Variants in SMAD7 observed in about 807,000 individuals in gnomAD.
The protein encoded by SMAD7 is MAD (mothers against decapentaplegic, Drosophila) homolog 7.
Under a neutral mutation model 38.7 loss-of-function variants are expected in SMAD7, and 8 were observed. That is an observed-to-expected ratio of 0.21 (90% CI 0.12 to 0.37). The LOEUF (loss-of-function observed/expected upper bound fraction) is 0.37. Among genes scored for constraint, SMAD7 ranks in the 10% least tolerant of loss-of-function variants. SMAD7 has a pLI of 1.00. For synonymous variants in SMAD7, 327 were observed against 265.1 expected, an observed-to-expected ratio of 1.23 and a Z score of -2.27; for missense variants, 477 against 577.9, an observed-to-expected ratio of 0.83 and a Z score of 1.79.
chr18:48,937,064 G>A (rs1306407538), intron 3 of SMAD7, among the ~76,000 whole-genome samples: 1 of 150,576 alleles, frequency 6.6e-6, no homozygotes, highest in South Asian at 2.1e-4. Flanking sequence ...GGGCGACAGA[G>A]CAAAACTCCA....
At chr18:48,928,252 G>A (rs998561332) in intron 3 of SMAD7, among the ~76,000 whole-genome samples, 1 of 152,174 alleles carries the variant, frequency 6.6e-6, no homozygotes, top group East Asian at 1.9e-4. Flanking sequence ...CTGCCTTCAT[G>A]GTCTCTGGCT....
intron 3 of SMAD7, among the ~76,000 whole-genome samples, chr18:48,934,963 G>C (rs1297120799): frequency 6.6e-6 from 1 of 152,210 alleles, no homozygotes; most frequent in Non-Finnish European, 1.5e-5. Flanking sequence ...CAACACCGCT[G>C]AAAGTCCCTT....
At position 48,920,161 on chromosome 18, in the gene SMAD7, C is replaced by T. The variant is rs879185043; in HGVS notation, c.*1211G>A. On this transcript the variant is annotated 3_prime_UTR_variant, in exon 4 of 4. Coordinates refer to ENST00000262158, the MANE Select transcript of SMAD7 (RefSeq NM_005904.4). ...AATCTCAGGTTTTTTTTCAGGAGTC[C>T]TTTCTCTCTCAAAGCACTACAATGC... 2.0e-5 allele frequency: 3 copies of T among 151,946 alleles called. No homozygotes were observed. The highest frequency in any genetic ancestry group is 7.3e-5 in the African/African-American group (3 of 41,220). The allele number at this position is 151,946 out of a possible 1,614,324, so 9.4% of individuals were successfully genotyped here.
chr18:48,943,013 G>A (rs1209143527), intron 2 of SMAD7, among the ~76,000 whole-genome samples: 2 of 152,192 alleles, frequency 1.3e-5, no homozygotes, highest in African/African-American at 2.4e-5. Context: ...ACATTCTCAA[G>A]ATTGATGTTG....
rs71165354 is a variant in SMAD7, at chr18:48,937,264, A to ATGTGTGTGTGTGTGTGTG, written c.742+5199_742+5216dup. On this transcript the variant is annotated intron_variant, in intron 3 of 3. Transcript: ENST00000262158. ...CAGTCAGGCTTTGCTAAGTAAAGGC[A>ATGTGTGTGTGTGTGTGTG]TGTGTGTGTGTGTGTGTGTGTGTGT... 2.7e-3 allele frequency among the ~76,000 whole-genome samples: 323 copies of ATGTGTGTGTGTGTGTGTG among 119,866 alleles called. 8 individuals are homozygous for ATGTGTGTGTGTGTGTGTG. The highest frequency in any genetic ancestry group is 5.9e-3 in the African/African-American group (177 of 29,874). The allele number at this position is 119,866 out of a possible 152,430, so 78.6% of individuals were successfully genotyped here.
At chr18:48,926,063 A>G (rs947205117) in intron 3 of SMAD7, among the ~76,000 whole-genome samples, 8 of 152,328 alleles carry the variant, frequency 5.3e-5, no homozygotes, top group African/African-American at 1.9e-4. Flanking sequence ...TAAATTTTTA[A>G]TTTGAAGGCG....
At chr18:48,939,509 G>A (rs2070112184) in intron 3 of SMAD7, among the ~76,000 whole-genome samples, 1 of 151,874 alleles carries the variant, frequency 6.6e-6, no homozygotes, top group African/African-American at 2.4e-5. Flanking sequence ...AAAGGGAAGG[G>A]CCAGCCTTGG....
In SMAD7 at chr18:48,950,327, C is replaced by T. The variant is rs1481952493; in HGVS notation, c.98G>A (p.Gly33Glu). The T allele has an allele frequency of 2.3e-5, 36 of 1,538,780 alleles. No individual in the cohort carries two copies. The highest frequency in any genetic ancestry group is 2.5e-5 in the East Asian group (1 of 39,438). The change falls in exon 1 of 4, where the codon GGA becomes GAA. Residue 33 changes from glycine to glutamate, a missense_variant. Gly to Glu is a moderately conservative substitution (Grantham distance 98). Coordinates refer to ENST00000262158, the MANE Select transcript of SMAD7 (RefSeq NM_005904.4). ...DEEEGAGGGG[G>E]GGELRGEGAT... Reference sequence around the variant, plus strand: ...CCCTTCTCCCCGCAGCTCGCCTCCTCCTCCACCTCCCCCTGCGCCCTCCTC... The same window carrying T: ...CCCTTCTCCCCGCAGCTCGCCTCCTTCTCCACCTCCCCCTGCGCCCTCCTC...
chr18:48,950,356 G>T lies in SMAD7; in HGVS notation c.69C>A (p.Asp23Glu). 6.5e-7 allele frequency: 1 copy of T among 1,541,232 alleles called. No homozygotes were observed. Among genetic ancestry groups the T allele is most frequent in the Non-Finnish European group, 8.7e-7 (1 of 1,143,200 alleles). ...CACCTCCCCCTGCGCCCTCCTCCTC[G>T]TCCTCGCCGCCGGGCGCACGGCTCC... ...LWRSRAPGGE[D>E]EEEGAGGGGG... The change falls in exon 1 of 4, where the codon GAC becomes GAA. Residue 23 changes from aspartate (D) to glutamate (E), a missense_variant. By Grantham distance (45) the Asp-to-Glu change is conservative. Transcript: ENST00000262158.
intron 3 of SMAD7, among the ~76,000 whole-genome samples, chr18:48,923,837 G>C (rs1455284739): frequency 1.3e-5 from 2 of 152,214 alleles, no homozygotes; most frequent in African/African-American, 4.8e-5. Context: ...GTGTGTTTCT[G>C]TGTGCACATA....
At chr18:48,940,364 T>G (rs2070123092) in intron 3 of SMAD7, among the ~76,000 whole-genome samples, 1 of 152,192 alleles carries the variant, frequency 6.6e-6, no homozygotes, top group African/African-American at 2.4e-5. Flanking sequence ...TTAATATCTG[T>G]GTCTACAATT....
chr18:48,942,126 C>CA (rs2070147458), intron 3 of SMAD7, among the ~76,000 whole-genome samples: 1 of 152,030 alleles, frequency 6.6e-6, no homozygotes, highest in South Asian at 2.1e-4. Context: ...AGAGCAAAAG[C>CA]AAAAAAAGAG....
Position 48,921,991 on chromosome 18 carries a change from C to T in SMAD7, c.743-81G>A. On this transcript the variant is annotated intron_variant, in intron 3 of 3. Coordinates refer to ENST00000262158, the MANE Select transcript of SMAD7 (RefSeq NM_005904.4). This position sits in a 1 kb window ranked among gnomAD's most constrained non-coding sequence, Gnocchi z 6.4. ...AATGAAGACACCCGCCCCCCCACTG[C>T]ACCCAGTCACCAGCTCATCTCTCAG... The T allele has an allele frequency of 9.5e-6, 10 of 1,051,754 alleles. No individual in the cohort carries two copies. Among genetic ancestry groups the T allele is most frequent in the Middle Eastern group, 3.1e-4 (1 of 3,180 alleles). 65.2% of individuals were successfully genotyped at this position (1,051,754 alleles called of 1,614,324 possible). A position where few individuals can be genotyped will look rare whatever the true frequency, so the allele number is the denominator to read the frequency against.
intron 2 of SMAD7, among the ~76,000 whole-genome samples, chr18:48,946,534 C>T (rs537386293): frequency 6.6e-6 from 1 of 152,332 alleles, no homozygotes; most frequent in South Asian, 2.1e-4. Context: ...TCTTACACAG[C>T]AGCGCCTTTT....
Position 48,950,214 on chromosome 18 carries a change from C to T in SMAD7, c.211G>A (p.Gly71Ser). Residue 71 changes from glycine (G) to serine (S), a missense_variant, in exon 1 of 4, where the codon GGT becomes AGT. Around this residue, in one of 2 missense-constraint regions of SMAD7, gnomAD observed 376 missense variants for 379.4 expected, o/e 0.99. Coordinates refer to ENST00000262158, the MANE Select transcript of SMAD7 (RefSeq NM_005904.4). ...GCTGGCGGGTGGGGATGGTGGTGAC[C>T]TTTGGCACCTCGCACCGCCTTGCCC... is the stretch of plus-strand genomic sequence containing the variant. Reference protein sequence around the residue: ...CLGKAVRGAKGHHHPHPPAAG... With the variant: ...CLGKAVRGAKSHHHPHPPAAG... 1.3e-6 allele frequency: 2 copies of T among 1,502,102 alleles called. No homozygotes were observed. Among genetic ancestry groups the T allele is most frequent in the African/African-American group, 1.5e-5 (1 of 68,958 alleles). The allele number at this position is 1,502,102 out of a possible 1,614,324, so 93.0% of individuals were successfully genotyped here. A position where few individuals can be genotyped will look rare whatever the true frequency, so the allele number is the denominator to read the frequency against.
chr18:48,950,021 C>A lies in SMAD7; in HGVS notation c.404G>T (p.Arg135Met). Residue 135 changes from arginine (R) to methionine (M), a missense_variant, in exon 1 of 4, where the codon AGG becomes ATG. Arg to Met is a moderately conservative substitution (Grantham distance 91, BLOSUM62 -1). Transcript: ENST00000262158. ...CLLLPGRLDC[R>M]LGPGAPAGAQ... ...GCCGGCGGGCGCCCCCGGGCCCAGC[C>A]TGCAGTCCAGGCGGCCGGGCAGCAG... 1 of 1,529,776 alleles carries A rather than the reference C, an allele frequency of 6.5e-7. No individual in the cohort carries two copies. The highest frequency in any genetic ancestry group is 2.6e-5 in the East Asian group (1 of 38,036). 94.8% of individuals were successfully genotyped at this position (1,529,776 alleles called of 1,614,324 possible).
rs886245644 is a variant in SMAD7, at chr18:48,950,538, A to C, written c.-114T>G. On this transcript the variant is annotated 5_prime_UTR_variant, in exon 1 of 4. Coordinates refer to ENST00000262158, the MANE Select transcript of SMAD7 (RefSeq NM_005904.4). ...TGGGGCAGCAGGCGCAGGCGACAGC[A>C]GCAGCAGCAGGGGCCCGGGCAGGAG... 2.5e-5 allele frequency: 26 copies of C among 1,037,802 alleles called. No homozygotes were observed. The African/African-American group carries it at 4.4e-4, about 18-fold the overall frequency. The allele number at this position is 1,037,802 out of a possible 1,614,324, so 64.3% of individuals were successfully genotyped here. A position where few individuals can be genotyped will look rare whatever the true frequency, so the allele number is the denominator to read the frequency against.
Position 48,936,853 on chromosome 18 carries a change from G to A in SMAD7, c.742+5628C>T, listed in dbSNP as rs150110355. Among the ~76,000 whole-genome samples the A allele has an allele frequency of 7.0e-3, 1,063 of 152,300 alleles. 18 individuals carry two copies. The highest frequency in any genetic ancestry group is 0.025 in the African/African-American group (1,021 of 41,560). ...CCAGCACTTTGGGAGGCCAAGGCGG[G>A]CGGATCACCTGAGGTCAGGAGTTCA... On this transcript the variant is annotated intron_variant, in intron 3 of 3. Coordinates refer to ENST00000262158, the MANE Select transcript of SMAD7 (RefSeq NM_005904.4).
intron 3 of SMAD7, among the ~76,000 whole-genome samples, chr18:48,930,794 A>G (rs1360756615): frequency 6.6e-6 from 1 of 152,214 alleles, no homozygotes; most frequent in African/African-American, 2.4e-5. Flanking sequence ...ATGACAGTGT[A>G]ATTTAGCAAT....
Sources: allele counts gnomAD v4.1 joint callset (sites outside exome capture counted in the v4.1 genomes callset), GRCh38; gene constraint gnomAD v4.1.1; regional missense constraint gnomAD v4.1.1; non-coding constraint Gnocchi (gnomAD v3.1); transcripts MANE v1.5; gene names NCBI Gene and HGNC (gene_info 2026-07-23, HGNC 2026-07-21).